The following BAIAP2L1 variants were observed in gnomAD, a reference collection of about 807,000 sequenced individuals.
The protein encoded by BAIAP2L1 is BAR/IMD domain containing adaptor protein 2 like 1.
In BAIAP2L1, 35 loss-of-function variants were observed where a neutral mutation model predicts 66.3. The observed-to-expected ratio is 0.53, with a 90% CI of 0.40 to 0.70. The LOEUF is 0.70. Ranked by LOEUF, BAIAP2L1 falls within the 30% of genes least tolerant of loss-of-function variation. BAIAP2L1 has a pLI of 0.00. For missense variants in BAIAP2L1, 622 were observed against 656.9 expected, an observed-to-expected ratio of 0.95 and a Z score of 0.58; for synonymous variants, 269 against 248.7, an observed-to-expected ratio of 1.08 and a Z score of -0.77.
At chr7:98,371,383 G>A (rs2115763893) in intron 1 of BAIAP2L1, among the ~76,000 whole-genome samples, 1 of 152,240 alleles carries the variant, frequency 6.6e-6, no homozygotes, top group East Asian at 1.9e-4. Flanking sequence ...TACTTGTGCT[G>A]AGTCGCATAA....
chr7:98,299,203 G>C (rs757547457), intron 12 of BAIAP2L1, among the ~76,000 whole-genome samples: 13 of 151,954 alleles, frequency 8.6e-5, no homozygotes, highest in Middle Eastern at 3.2e-3. Flanking sequence ...ATTTTTAGTA[G>C]AGACAGGGTT....
chr7:98,392,115 T>C (rs562159475), intron 1 of BAIAP2L1, among the ~76,000 whole-genome samples: 300 of 147,340 alleles, frequency 2.0e-3, no homozygotes, highest in Non-Finnish European at 3.4e-3. Flanking sequence ...GTAGGATCAC[T>C]GGAGCCCAGG....
intron 3 of BAIAP2L1, among the ~76,000 whole-genome samples, chr7:98,327,212 T>C (rs1193604720): frequency 6.6e-6 from 1 of 151,698 alleles, no homozygotes; most frequent in Non-Finnish European, 1.5e-5. Context: ...AATATAAAAA[T>C]TAGTCGGGTG....
At chr7:98,346,697 C>T (rs1475902873) in intron 3 of BAIAP2L1, among the ~76,000 whole-genome samples, 2 of 152,176 alleles carry the variant, frequency 1.3e-5, no homozygotes, top group South Asian at 2.1e-4. Context: ...TGTGTAGCTG[C>T]GTTGCCTCCT....
intron 6 of BAIAP2L1, 31 bp from the exon 7 acceptor site, chr7:98,315,643 T>TAATAAG: frequency 9.3e-7 from 1 of 1,079,862 alleles, no homozygotes; most frequent in Non-Finnish European, 1.2e-6. Flanking sequence ...ATAATAATAA[T>TAATAAG]TATATAAGCA....
At chr7:98,398,868 T>C (rs562218608) in intron 1 of BAIAP2L1, among the ~76,000 whole-genome samples, 1 of 152,306 alleles carries the variant, frequency 6.6e-6, no homozygotes, top group East Asian at 1.9e-4. Context: ...ACTGGGAAGA[T>C]ACACAGGGCT....
At chr7:98,326,335 A>T (rs1801381352) in intron 3 of BAIAP2L1, among the ~76,000 whole-genome samples, 1 of 152,172 alleles carries the variant, frequency 6.6e-6, no homozygotes, top group Admixed American at 6.5e-5. Flanking sequence ...GTGACCCCAA[A>T]TAAGTGATAG....
chr7:98,349,537 C>T (rs999594951), intron 3 of BAIAP2L1, among the ~76,000 whole-genome samples: 2 of 152,104 alleles, frequency 1.3e-5, no homozygotes, highest in African/African-American at 4.8e-5. Flanking sequence ...CACCTGCCAG[C>T]CATTCAGACA....
intron 2 of BAIAP2L1, among the ~76,000 whole-genome samples, chr7:98,360,191 G>A (rs1181535349): frequency 6.6e-6 from 1 of 152,054 alleles, no homozygotes; most frequent in Non-Finnish European, 1.5e-5. Flanking sequence ...CCAAATTGCT[G>A]AGATTACAGG....
At chr7:98,326,025 C>T (rs1213119663) in intron 3 of BAIAP2L1, among the ~76,000 whole-genome samples, 7 of 152,198 alleles carry the variant, frequency 4.6e-5, no homozygotes, top group Admixed American at 2.0e-4. Context: ...GGCTCACGTC[C>T]GTAATCACAG....
intron 1 of BAIAP2L1, among the ~76,000 whole-genome samples, chr7:98,393,126 T>C (rs557241983): frequency 9.6e-6 from 1 of 103,802 alleles, no homozygotes; most frequent in Admixed American, 1.0e-4. Flanking sequence ...CATATATGTA[T>C]ATATACACAC....
intron 3 of BAIAP2L1, chr7:98,323,347 C>A (rs556383543): frequency 6.6e-6 from 1 of 152,260 alleles, no homozygotes; most frequent in East Asian, 1.9e-4. Flanking sequence ...AAAACCCGCT[C>A]CAGTTATTTA....
chr7:98,362,386 A>C lies in BAIAP2L1; in HGVS notation c.98T>G (p.Leu33Arg). Reference sequence around the variant, plus strand: ...TACAGCTTTCTCATAATTTTTCCCCAGGTTTATTAAATTTCGCAGCCCAGG... The same window carrying C: ...TACAGCTTTCTCATAATTTTTCCCCCGGTTTATTAAATTTCGCAGCCCAGG... ...FNPGLRNLIN[L>R]GKNYEKAVNA... The change falls in exon 2 of 14, where the codon CTG becomes CGG. Residue 33 changes from leucine (L) to arginine (R), a missense_variant. Leu to Arg is a moderately radical substitution (Grantham distance 102, BLOSUM62 -2). Coordinates refer to ENST00000005260, the MANE Select transcript of BAIAP2L1 (RefSeq NM_018842.5). 6.2e-7 allele frequency: 1 copy of C among 1,613,012 alleles called. No individual in the cohort carries two copies. The highest frequency in any genetic ancestry group is 2.2e-5 in the East Asian group (1 of 44,868).
In BAIAP2L1 at chr7:98,362,479, C is replaced by T. The variant is rs773503305; in HGVS notation, c.52-47G>A. 29 of 1,538,470 alleles carry T rather than the reference C, an allele frequency of 1.9e-5. No individual in the cohort carries two copies. In the East Asian group the frequency reaches 3.4e-4, roughly 18 times the overall value. Reference sequence around the variant, plus strand: ...CAAATTAATAAAATAAAAAATAAACCAAGTCATCTTCAGATTTTGTCACTG... The same window carrying T: ...CAAATTAATAAAATAAAAAATAAACTAAGTCATCTTCAGATTTTGTCACTG... On this transcript the variant is annotated intron_variant, in intron 1 of 13. Coordinates refer to ENST00000005260, the MANE Select transcript of BAIAP2L1 (RefSeq NM_018842.5).
At chr7:98,389,940 T>G (rs1405509844) in intron 1 of BAIAP2L1, among the ~76,000 whole-genome samples, 2 of 149,332 alleles carry the variant, frequency 1.3e-5, no homozygotes, top group African/African-American at 4.9e-5. Flanking sequence ...TTTTGAGAGG[T>G]AGTCTCGCAC....
chr7:98,293,520 C>T lies in BAIAP2L1; in HGVS notation c.*1G>A, dbSNP rs762401284. On this transcript the variant is annotated 3_prime_UTR_variant, in exon 14 of 14. Coordinates refer to ENST00000005260, the MANE Select transcript of BAIAP2L1 (RefSeq NM_018842.5). ...GCCCGGGAGAGTCCTTGGCTGTCCT[C>T]TCATCGAATGATGGGTGCCGAGCGA... 7 of 1,612,954 alleles carry T rather than the reference C, an allele frequency of 4.3e-6. No individual in the cohort carries two copies. The Admixed American group carries it at 1.2e-4, about 27-fold the overall frequency.
intron 1 of BAIAP2L1, among the ~76,000 whole-genome samples, chr7:98,365,254 T>A (rs1584488298): frequency 6.6e-6 from 1 of 152,130 alleles, no homozygotes; most frequent in African/African-American, 2.4e-5. Context: ...ACAAATATCA[T>A]TCCTGTTTTA....
intron 1 of BAIAP2L1, among the ~76,000 whole-genome samples, chr7:98,389,265 C>T (rs998860559): frequency 6.6e-6 from 1 of 152,148 alleles, no homozygotes; most frequent in Non-Finnish European, 1.5e-5. Flanking sequence ...GATCTGTCAT[C>T]TGGGACCTAT....
chr7:98,338,270 A>C (rs1801657577), intron 3 of BAIAP2L1, among the ~76,000 whole-genome samples: 1 of 151,890 alleles, frequency 6.6e-6, no homozygotes, highest in Non-Finnish European at 1.5e-5. Context: ...AATACAAAAA[A>C]AATTAGCCGG....
Sources: allele counts gnomAD v4.1 joint callset (sites outside exome capture counted in the v4.1 genomes callset), GRCh38; gene constraint gnomAD v4.1.1; transcripts MANE v1.5; gene names NCBI Gene and HGNC (gene_info 2026-07-23, HGNC 2026-07-21).